ARSK: variants seen among roughly 807,000 people sequenced by gnomAD.
ARSK encodes the protein arylsulfatase family member K.
Under a neutral mutation model 53.2 loss-of-function variants are expected in ARSK, and 37 were observed. That is an observed-to-expected ratio of 0.70 (90% CI 0.54 to 0.92). The LOEUF is 0.92. ARSK is among the 40% of genes least tolerant of loss of function. The probability of loss-of-function intolerance (pLI) is 0.00; values close to 1 mark genes in which losing one functional copy is unlikely to be tolerated. For missense variants in ARSK, 613 were observed against 643.0 expected (o/e 0.95, Z 0.51); for synonymous variants, 208 against 223.2 (o/e 0.93, Z 0.61).
At chr5:95,577,608 G>A (rs986520702) in intron 3 of ARSK, among the ~76,000 whole-genome samples, 9 of 152,092 alleles carry the variant, frequency 5.9e-5, no homozygotes, top group African/African-American at 2.2e-4. Context: ...ACTCTGTCAA[G>A]GGCTATAGTC....
rs777152803 is a variant in ARSK, at chr5:95,600,887, C to T, written c.1137C>T (p.Tyr379=). Residue 379 remains tyrosine (Y), a synonymous_variant, in exon 7 of 8, where the codon TAC becomes TAT. Coordinates refer to ENST00000380009, the MANE Select transcript of ARSK (RefSeq NM_198150.3). ...GIPLPQNLSG[Y]SLLPLSSETF... is the part of the protein sequence containing the mutation. Reference sequence around the variant, plus strand: ...CTCTGCCTCAGAACCTGAGTGGATACTCTTTGTTGCCGTTATCATCAGAAA... The same window carrying T: ...CTCTGCCTCAGAACCTGAGTGGATATTCTTTGTTGCCGTTATCATCAGAAA... 15 of 1,614,030 alleles carry T rather than the reference C, an allele frequency of 9.3e-6. No homozygotes were observed. The highest frequency in any genetic ancestry group is 1.2e-5 in the Non-Finnish European group (14 of 1,179,932).
rs1446799892 is a variant in ARSK at position 95,555,326 on chromosome 5, A to T, written c.48A>T (p.Val16=). The change falls in exon 1 of 8, where the codon GTA becomes GTT. Residue 16 remains valine (V), a synonymous_variant. Transcript: ENST00000380009. The surrounding 1 kb of genome is among the most constrained non-coding windows in gnomAD (Gnocchi z 4.0). ...VSVVAALALA[V]LAPGAGEQRR... is the part of the protein sequence containing the mutation. The stretch of plus-strand genomic sequence containing the variant: ...TGGTCGCAGCCTTGGCGCTGGCGGT[A>T]CTGGCCCCCGGAGCAGGGGAGCAGA... 6 of 1,608,158 alleles carry T rather than the reference A, an allele frequency of 3.7e-6. No homozygotes were observed. In the Admixed American group the frequency reaches 1.0e-4, roughly 27 times the overall value.
At position 95,595,737 on chromosome 5, in the gene ARSK, A is replaced by T. The variant is rs976171936; in HGVS notation, c.1096+4112A>T. ...TAAACTGTTGGGCACTATGCCCAGT[A>T]CCTGGGTGATGCAATCATTCCTATC... On this transcript the variant is annotated intron_variant, in intron 6 of 7. Transcript: ENST00000380009. Among the ~76,000 whole-genome samples the T allele has an allele frequency of 2.6e-5, 4 of 152,204 alleles. No homozygotes were observed. The East Asian group carries it at 7.7e-4, about 29-fold the overall frequency.
chr5:95,597,098 A>G (rs914726309), intron 6 of ARSK, among the ~76,000 whole-genome samples: 1 of 152,072 alleles, frequency 6.6e-6, no homozygotes, highest in African/African-American at 2.4e-5. Flanking sequence ...CTTCTCTAAT[A>G]CCTGGTATCA....
Position 95,604,933 on chromosome 5 carries a change from CT to C in ARSK, c.*1411del, listed in dbSNP as rs1233959679. 3 of 152,008 alleles carry C rather than the reference CT, an allele frequency of 2.0e-5. No homozygotes were observed. The highest frequency in any genetic ancestry group is 2.0e-4 in the Admixed American group (3 of 15,264). The allele number at this position is 152,008 out of a possible 1,614,324, so 9.4% of individuals were successfully genotyped here. A position where few individuals can be genotyped will look rare whatever the true frequency, so the allele number is the denominator to read the frequency against. ...TTTCCAGTTTGTCATTGTCATTTGT[CT>C]TTTGACTTTGTTCTGGTATTTTTTG... On this transcript the variant is annotated 3_prime_UTR_variant, in exon 8 of 8. Transcript: ENST00000380009.
chr5:95,600,423 A>G lies in ARSK; in HGVS notation c.1097-424A>G, dbSNP rs192183075. The stretch of plus-strand genomic sequence containing the variant: ...CCTTTCTTGTATAAGACTTGTTAAT[A>G]TCCCATGAAAGAAACTTTGAGAAAC... On this transcript the variant is annotated intron_variant, in intron 6 of 7. Coordinates refer to ENST00000380009, the MANE Select transcript of ARSK (RefSeq NM_198150.3). Among the ~76,000 whole-genome samples, 12 of 152,330 alleles carry G rather than the reference A, an allele frequency of 7.9e-5. No individual in the cohort carries two copies. The East Asian group carries it at 2.3e-3, about 29-fold the overall frequency.
intron 6 of ARSK, among the ~76,000 whole-genome samples, chr5:95,599,744 T>G (rs1320241860): frequency 6.6e-6 from 1 of 152,256 alleles, no homozygotes; most frequent in Admixed American, 6.5e-5. Context: ...ACTTTTTTTA[T>G]CAAGTTATAT....
At chr5:95,571,765 T>A (rs185640429) in intron 3 of ARSK, among the ~76,000 whole-genome samples, 3 of 152,236 alleles carry the variant, frequency 2.0e-5, no homozygotes, top group Non-Finnish European at 4.4e-5. Flanking sequence ...TTATGAGCGC[T>A]GTATGTACCC....
chr5:95,585,598 T>C (rs951411088), intron 4 of ARSK, among the ~76,000 whole-genome samples: 1 of 152,124 alleles, frequency 6.6e-6, no homozygotes, highest in Admixed American at 6.6e-5. Context: ...CACTAATAAG[T>C]GGGAGCTAAG....
intron 6 of ARSK, among the ~76,000 whole-genome samples, chr5:95,593,612 A>T (rs1371345845): frequency 6.6e-6 from 1 of 152,216 alleles, no homozygotes; most frequent in Admixed American, 6.5e-5. Context: ...TTCATAATGT[A>T]TTTAACAGGT....
At chr5:95,586,441 A>G (rs528595300) in intron 4 of ARSK, 121 bp from the exon 5 acceptor site, 1 of 760,376 alleles carries the variant, frequency 1.3e-6, no homozygotes, top group Non-Finnish European at 2.2e-6. Flanking sequence ...TTACATATTT[A>G]CACTGTTCTT....
At chr5:95,565,200 A>G (rs1031812391) in intron 1 of ARSK, among the ~76,000 whole-genome samples, 4 of 152,266 alleles carry the variant, frequency 2.6e-5, no homozygotes, top group East Asian at 1.9e-4. Flanking sequence ...TCCAAAATGC[A>G]TATCTCCAAC....
At chr5:95,578,308 T>C (rs1193146912) in intron 3 of ARSK, among the ~76,000 whole-genome samples, 1 of 151,434 alleles carries the variant, frequency 6.6e-6, no homozygotes, top group South Asian at 2.1e-4. Context: ...CATACCGCCA[T>C]GCCCAGTGAA....
chr5:95,584,948 T>C (rs1474503284), intron 4 of ARSK, among the ~76,000 whole-genome samples: 2 of 152,108 alleles, frequency 1.3e-5, no homozygotes, highest in Non-Finnish European at 2.9e-5. Flanking sequence ...AGGCGGAGGT[T>C]ACAGTGAACC....
intron 7 of ARSK, 47 bp downstream of exon 7, chr5:95,601,118 C>A: frequency 6.8e-7 from 1 of 1,467,886 alleles, no homozygotes; most frequent in Non-Finnish European, 9.5e-7. Context: ...GTGTAATGAA[C>A]TGCCCTATGT....
chr5:95,592,617 C>T (rs922218563), intron 6 of ARSK, among the ~76,000 whole-genome samples: 5 of 151,908 alleles, frequency 3.3e-5, no homozygotes, highest in African/African-American at 4.8e-5. Context: ...GGTGCGATTT[C>T]GGCTCCCTGC....
chr5:95,567,614 G>A (rs889121115), intron 2 of ARSK, among the ~76,000 whole-genome samples: 2 of 152,180 alleles, frequency 1.3e-5, no homozygotes, highest in African/African-American at 4.8e-5. Flanking sequence ...AGTCACACAT[G>A]CTTTGTATTT....
intron 4 of ARSK, 111 bp from the exon 5 acceptor site, chr5:95,586,446 GTTCTT>G (rs1749114097): frequency 2.5e-6 from 2 of 800,442 alleles, no homozygotes; most frequent in Non-Finnish European, 4.0e-6. Context: ...TATTTACACT[GTTCTT>G]TTCTACTATT....
Position 95,555,129 on chromosome 5 carries a change from T to C in ARSK, c.-150T>C, listed in dbSNP as rs1228357587. ...CGCGCTCTCCGCCTGATAGGAGTTG[T>C]AGTTCTGCGGGTGAAGCTCGGCGTT... On this transcript the variant is annotated 5_prime_UTR_variant, in exon 1 of 8. Transcript: ENST00000380009. This position sits in a 1 kb window ranked among gnomAD's most constrained non-coding sequence, Gnocchi z 4.0. 4 of 604,912 alleles carry C rather than the reference T, an allele frequency of 6.6e-6. No homozygotes were observed. Among genetic ancestry groups the C allele is most frequent in the Non-Finnish European group, 8.3e-6 (3 of 359,660 alleles). 37.5% of individuals were successfully genotyped at this position (604,912 alleles called of 1,614,324 possible).
Sources: gnomAD v4.1 joint callset for allele counts (sites outside exome capture counted in the v4.1 genomes callset) on GRCh38, gnomAD v4.1.1 for gene constraint, Gnocchi (gnomAD v3.1) non-coding constraint, MANE v1.5 for transcripts, NCBI Gene and HGNC (gene_info 2026-07-23, HGNC 2026-07-21) for gene names.